ATR: variants seen among roughly 807,000 people sequenced by gnomAD.
ATR encodes ATR checkpoint kinase.
In ATR, 142 loss-of-function variants were observed where a neutral mutation model predicts 305.3. That is an observed-to-expected ratio of 0.47 (90% confidence interval 0.41 to 0.53). ATR has a LOEUF of 0.53. Among genes scored for constraint, ATR ranks in the 20% least tolerant of loss-of-function variants. The pLI is 0.00. For missense variants in ATR, 2,135 were observed against 3,133.1 expected (o/e 0.68, Z 7.60); for synonymous variants, 1,050 against 1,068.1 (o/e 0.98, Z 0.33).
intron 36 of ATR, among the ~76,000 whole-genome samples, chr3:142,475,925 G>A (rs545841008): frequency 3.9e-5 from 6 of 152,132 alleles, no homozygotes; most frequent in East Asian, 1.9e-4. Flanking sequence ...TATATCCTTC[G>A]CCCACTTTTT....
intron 36 of ATR, among the ~76,000 whole-genome samples, chr3:142,475,253 C>T (rs1220693451): frequency 2.0e-5 from 3 of 152,162 alleles, no homozygotes; most frequent in Non-Finnish European, 4.4e-5. Context: ...CCCCCAGCCC[C>T]TCACCCCACA....
At chr3:142,463,889 GA>G (rs1171966222) in intron 41 of ATR, among the ~76,000 whole-genome samples, 1 of 151,632 alleles carries the variant, frequency 6.6e-6, no homozygotes, top group Non-Finnish European at 1.5e-5. Flanking sequence ...GAGAAGAAGG[GA>G]AAAAAAGCTT....
At chr3:142,522,950 CT>C in intron 22 of ATR, 109 bp from the exon 23 acceptor site, 1 of 855,606 alleles carries the variant, frequency 1.2e-6, no homozygotes, top group Non-Finnish European at 1.9e-6. Context: ...GTGAATTTAA[CT>C]TAGACAAAGG....
chr3:142,450,471 G>A, intron 46 of ATR: 1 of 1,601,544 alleles, frequency 6.2e-7, no homozygotes, highest in Non-Finnish European at 8.5e-7. Context: ...CTCACTTAAT[G>A]AGGTCCACTA....
chr3:142,516,071 T>C (rs939576090), intron 24 of ATR, among the ~76,000 whole-genome samples: 5 of 152,234 alleles, frequency 3.3e-5, no homozygotes, highest in African/African-American at 1.2e-4. Context: ...TCTCATTGTA[T>C]GGTCATAGTT....
intron 42 of ATR, among the ~76,000 whole-genome samples, chr3:142,460,100 G>A (rs992920051): frequency 6.6e-6 from 1 of 152,058 alleles, no homozygotes; most frequent in Non-Finnish European, 1.5e-5. Context: ...TCTGACTCAA[G>A]TGTCTCTGAG....
At position 142,558,004 on chromosome 3, in the gene ATR, T is replaced by A. The variant is rs757846395; in HGVS notation, c.1885+620A>T. 2.0e-5 allele frequency among the ~76,000 whole-genome samples: 3 copies of A among 152,322 alleles called. No homozygotes were observed. The South Asian group carries it at 6.2e-4, about 32-fold the overall frequency. ...GTATATTGTTCTTCTTTTTAAAATA[T>A]TTCTCAAATACTTCCTAATTTTATT... is the stretch of plus-strand genomic sequence containing the variant. On this transcript the variant is annotated intron_variant, in intron 8 of 46. Transcript: ENST00000350721.
In ATR at chr3:142,451,477, A is replaced by G. The variant is rs556336351; in HGVS notation, c.7761+1651T>C. ...GGAGACTTTGGTCTGGCTTGCCCAG[A>G]CATCTTACAAAAGAACACAGACTGG... is the stretch of plus-strand genomic sequence containing the variant. On this transcript the variant is annotated intron_variant, in intron 46 of 46. Transcript: ENST00000350721. 9.4e-6 allele frequency: 14 copies of G among 1,483,714 alleles called. No homozygotes were observed. In the African/African-American group the frequency reaches 1.5e-4, roughly 16 times the overall value. 91.9% of individuals were successfully genotyped at this position (1,483,714 alleles called of 1,614,324 possible).
intron 21 of ATR, among the ~76,000 whole-genome samples, chr3:142,525,041 T>C (rs2033312678): frequency 6.6e-6 from 1 of 152,184 alleles, no homozygotes; most frequent in Non-Finnish European, 1.5e-5. Flanking sequence ...CGAAAAGACA[T>C]TTAATCTTAT....
chr3:142,547,914 AC>A lies in ATR; in HGVS notation c.3172-5del. Reference sequence around the variant, plus strand: ...CCAGTTCAATTTCTGTTTCATTCTAACCCAAAGACATGTTAAAAAAAATTTT... The same window carrying A: ...CCAGTTCAATTTCTGTTTCATTCTAACCAAAGACATGTTAAAAAAAATTTT... On this transcript the variant is annotated splice_polypyrimidine_tract_variant and splice_region_variant and intron_variant, in intron 15 of 46. Transcript: ENST00000350721. 1 of 1,613,766 alleles carries A rather than the reference AC, an allele frequency of 6.2e-7. No individual in the cohort carries two copies. Among genetic ancestry groups the A allele is most frequent in the African/African-American group, 1.3e-5 (1 of 75,012 alleles).
chr3:142,549,421 T>C (rs558237048), intron 15 of ATR, 58 bp downstream of exon 15: 1 of 1,206,616 alleles, frequency 8.3e-7, no homozygotes, highest in South Asian at 1.7e-5. Flanking sequence ...GAATGTTACA[T>C]CTTTCCTATA....
chr3:142,499,812 T>C, intron 30 of ATR, 94 bp from the exon 31 acceptor site: 1 of 995,998 alleles, frequency 1.0e-6, no homozygotes, highest in Non-Finnish European at 1.5e-6. Context: ...TTATTATATT[T>C]ATTGAATTTG....
intron 35 of ATR, among the ~76,000 whole-genome samples, chr3:142,490,139 A>G (rs912091079): frequency 1.3e-5 from 2 of 152,214 alleles, no homozygotes; most frequent in African/African-American, 4.8e-5. Flanking sequence ...GCTAACTGTA[A>G]CCTTGAACTC....
chr3:142,544,452 C>CAAAAAAGAAAAAA (rs2034185713), intron 16 of ATR, among the ~76,000 whole-genome samples: 1 of 18,962 alleles, frequency 5.3e-5, no homozygotes, highest in Non-Finnish European at 1.0e-4. Flanking sequence ...ATCCTGCCTC[C>CAAAAAAGAAAAAA]AAAAAAAAAA....
At chr3:142,544,424 C>G (rs549932605) in intron 16 of ATR, among the ~76,000 whole-genome samples, 1 of 101,608 alleles carries the variant, frequency 9.8e-6, no homozygotes, top group African/African-American at 3.6e-5. Flanking sequence ...TGCAGTCCAG[C>G]CTGGGTGACA....
chr3:142,480,865 T>G (rs1368287137), intron 36 of ATR, among the ~76,000 whole-genome samples: 2 of 152,226 alleles, frequency 1.3e-5, no homozygotes, highest in Admixed American at 1.3e-4. Flanking sequence ...AGAGGCTCCG[T>G]GGGCATGGGA....
chr3:142,465,298 T>C (rs2108271707), intron 40 of ATR, 58 bp from the exon 41 acceptor site: 1 of 1,398,500 alleles, frequency 7.2e-7, no homozygotes, highest in African/African-American at 1.4e-5. Flanking sequence ...TAAATGTCTA[T>C]ATATTATAAA....
chr3:142,520,731 C>A (rs1226404677), intron 23 of ATR, among the ~76,000 whole-genome samples: 1 of 151,872 alleles, frequency 6.6e-6, no homozygotes, highest in Non-Finnish European at 1.5e-5. Context: ...AAAAAAAAAC[C>A]CAAAAAGTTT....
Position 142,531,366 on chromosome 3 carries a change from T to C in ATR, c.3945+3714A>G, listed in dbSNP as rs1258181758. ...GTGTGCTGCACCCATTAACTCGTCATTTAACATTAGGTATATCTCCTAATG... is the reference window on the plus strand; with the variant it reads ...GTGTGCTGCACCCATTAACTCGTCACTTAACATTAGGTATATCTCCTAATG... On this transcript the variant is annotated intron_variant, in intron 21 of 46. Transcript: ENST00000350721. Among the ~76,000 whole-genome samples, 12 of 152,152 alleles carry C rather than the reference T, an allele frequency of 7.9e-5. No individual in the cohort carries two copies. In the East Asian group the frequency reaches 2.1e-3, roughly 27 times the overall value.
Sources: allele counts gnomAD v4.1 joint callset (sites outside exome capture counted in the v4.1 genomes callset), GRCh38; gene constraint gnomAD v4.1.1; transcripts MANE v1.5; gene names NCBI Gene and HGNC (gene_info 2026-07-23, HGNC 2026-07-21).